ACTL6A: variants seen among roughly 807,000 people sequenced by gnomAD.
The protein encoded by ACTL6A is actin-like protein 6A.
In ACTL6A, 5 loss-of-function variants were observed where a neutral mutation model predicts 59.2. The observed-to-expected ratio is 0.08, with a 90% CI of 0.04 to 0.18. The LOEUF (loss-of-function observed/expected upper bound fraction) is 0.18, where lower values mean the gene tolerates loss of function less well. Among genes scored for constraint, ACTL6A ranks in the 10% least tolerant of loss-of-function variants. ACTL6A has a pLI of 1.00. For missense variants in ACTL6A, 285 were observed against 526.9 expected, an observed-to-expected ratio of 0.54 and a Z score of 4.49; for synonymous variants, 154 against 171.8, an observed-to-expected ratio of 0.90 and a Z score of 0.81.
intron 8 of ACTL6A, 69 bp downstream of exon 8, chr3:179,576,982 T>C (rs543597167): frequency 7.9e-7 from 1 of 1,262,254 alleles, no homozygotes; most frequent in East Asian, 2.4e-5. Flanking sequence ...AAAAGTTATA[T>C]ATAGGCTGTA....
chr3:179,573,910 C>A (rs910184265), intron 4 of ACTL6A, among the ~76,000 whole-genome samples: 3 of 152,090 alleles, frequency 2.0e-5, no homozygotes, highest in African/African-American at 7.2e-5. Context: ...GGTACATAGA[C>A]AAAAAGGTCC....
chr3:179,565,414 A>T (rs1717803732), intron 1 of ACTL6A, among the ~76,000 whole-genome samples: 1 of 126,572 alleles, frequency 7.9e-6, no homozygotes, highest in South Asian at 2.7e-4. Context: ...TAAAAAAAAC[A>T]AAAACAAACA....
intron 1 of ACTL6A, among the ~76,000 whole-genome samples, chr3:179,568,070 G>C (rs1270457552): frequency 6.6e-6 from 1 of 151,482 alleles, no homozygotes; most frequent in Non-Finnish European, 1.5e-5. Flanking sequence ...TGCTCAGGAG[G>C]CTGAGGCAGG....
At chr3:179,568,783 A>G (rs1047796263) in intron 1 of ACTL6A, among the ~76,000 whole-genome samples, 2 of 152,228 alleles carry the variant, frequency 1.3e-5, no homozygotes, top group African/African-American at 4.8e-5. Context: ...TGTGTCAATT[A>G]TAATAGCAGC....
At chr3:179,563,248 C>T (rs918271410) in intron 1 of ACTL6A, 131 bp downstream of exon 1, 4 of 1,414,698 alleles carry the variant, frequency 2.8e-6, no homozygotes, top group Non-Finnish European at 3.8e-6. Flanking sequence ...CTCCCCGCCC[C>T]GTCCCCGCCC....
rs906577920 is a variant in ACTL6A, at chr3:179,580,665, C to T, written c.794C>T (p.Ser265Leu). ...CNCVIQDFQA[S>L]VLQVSDSTYD... ...TGTGTTATCCAGGATTTTCAAGCTT[C>T]GGTACTTCAAGTGTCAGATTCAACT... The change falls in exon 9 of 14, where the codon TCG (serine) becomes TTG (leucine). Residue 265 changes from serine (S) to leucine (L), a missense_variant. Coordinates refer to ENST00000429709, the MANE Select transcript of ACTL6A (RefSeq NM_004301.5). 16 of 1,608,828 alleles carry T rather than the reference C, an allele frequency of 9.9e-6. No homozygotes were observed. The highest frequency in any genetic ancestry group is 6.7e-5 in the Admixed American group (4 of 59,280).
intron 5 of ACTL6A, 135 bp from the exon 6 acceptor site, chr3:179,576,082 T>G: frequency 1.6e-6 from 1 of 623,438 alleles, no homozygotes. Context: ...TATCCCTAGA[T>G]TCACTGTAAT....
chr3:179,575,199 T>A (rs185203591), intron 5 of ACTL6A: 48 of 356,302 alleles, frequency 1.3e-4, no homozygotes, highest in Non-Finnish European at 2.2e-4. Flanking sequence ...CTTCTACATT[T>A]CTTCCTTTAT....
chr3:179,570,213 G>A lies in ACTL6A; in HGVS notation c.249G>A (p.Glu83=). ...TGCGTGTTCCGAGGGAGAATATGGA[G>A]GCCATTTCACCTCTAAAAAATGGGA... The part of the protein sequence containing the change: ...NALRVPRENM[E]AISPLKNGMV... Residue 83 remains glutamate, a synonymous_variant, in exon 3 of 14, where the codon GAG becomes GAA. Coordinates refer to ENST00000429709, the MANE Select transcript of ACTL6A (RefSeq NM_004301.5). The surrounding 1 kb of genome is among the most constrained non-coding windows in gnomAD (Gnocchi z 4.3). The A allele has an allele frequency of 1.2e-6, 2 of 1,613,626 alleles. No individual in the cohort carries two copies. Among genetic ancestry groups the A allele is most frequent in the Non-Finnish European group, 1.7e-6 (2 of 1,179,886 alleles).
At position 179,563,002 on chromosome 3, in the gene ACTL6A, AG is replaced by A. The variant is rs1254893409; in HGVS notation, c.-87del. On this transcript the variant is annotated 5_prime_UTR_variant, in exon 1 of 14. Transcript: ENST00000429709. ...GGTGGCGGTGGAAGTTAAGGGAGTC[AG>A]GGGCTATCGCTCCTCGAGACTCGCA... 1 of 1,536,338 alleles carries A rather than the reference AG, an allele frequency of 6.5e-7. No homozygotes were observed. Among genetic ancestry groups the A allele is most frequent in the Non-Finnish European group, 8.8e-7 (1 of 1,132,938 alleles).
At chr3:179,578,526 G>C (rs1241570901) in intron 8 of ACTL6A, among the ~76,000 whole-genome samples, 3 of 152,128 alleles carry the variant, frequency 2.0e-5, no homozygotes, top group African/African-American at 7.2e-5. Flanking sequence ...ACTGAGGTGG[G>C]AGAATCACCT....
chr3:179,572,958 C>T (rs1280677120), intron 3 of ACTL6A, among the ~76,000 whole-genome samples: 2 of 147,066 alleles, frequency 1.4e-5, no homozygotes, highest in African/African-American at 2.5e-5. Context: ...TTTTGAGTGT[C>T]GGGTCTAGAC....
At chr3:179,569,976 A>G in intron 2 of ACTL6A, 76 bp downstream of exon 2, 1 of 1,577,574 alleles carries the variant, frequency 6.3e-7, no homozygotes. Context: ...ATTCTGATTC[A>G]AAACAAAATA....
chr3:179,584,699 C>T lies in ACTL6A; in HGVS notation c.1122+1251C>T, dbSNP rs145815627. Among the ~76,000 whole-genome samples the T allele has an allele frequency of 6.7e-3, 1,014 of 151,822 alleles. 10 individuals are homozygous for T. The highest frequency in any genetic ancestry group is 0.023 in the African/African-American group (955 of 41,396). The stretch of plus-strand genomic sequence containing the variant: ...ACTTGGGAGGCTGAGACAGCAGAAT[C>T]GCTTGAACCCAGGAGGCGGAGGTTG... On this transcript the variant is annotated intron_variant, in intron 12 of 13. Transcript: ENST00000429709.
At chr3:179,578,147 CA>C (rs1718225856) in intron 8 of ACTL6A, among the ~76,000 whole-genome samples, 2 of 152,086 alleles carry the variant, frequency 1.3e-5, no homozygotes, top group African/African-American at 4.8e-5. Context: ...CCTGTCTCTA[CA>C]AAAACAGAAA....
intron 11 of ACTL6A, among the ~76,000 whole-genome samples, chr3:179,582,207 T>C (rs1209857690): frequency 6.6e-6 from 1 of 152,228 alleles, no homozygotes; most frequent in Non-Finnish European, 1.5e-5. Context: ...GGTAATTGAA[T>C]TGAAGTATAT....
chr3:179,574,481 A>G lies in ACTL6A; in HGVS notation c.476+14A>G, dbSNP rs1229780678. 6.6e-7 allele frequency: 1 copy of G among 1,511,326 alleles called. No individual in the cohort carries two copies. Among genetic ancestry groups the G allele is most frequent in the African/African-American group, 1.4e-5 (1 of 72,816 alleles). The allele number at this position is 1,511,326 out of a possible 1,614,324, so 93.6% of individuals were successfully genotyped here. On this transcript the variant is annotated intron_variant, in intron 5 of 13. Coordinates refer to ENST00000429709, the MANE Select transcript of ACTL6A (RefSeq NM_004301.5). ...AGTTTTGACAGCGTATCCTTGAAAG[A>G]GTAATACCTTTCCTCTTGAAGTATG...
At position 179,580,333 on chromosome 3, in the gene ACTL6A, G is replaced by A. The variant is rs558447451; in HGVS notation, c.769-307G>A. Among the ~76,000 whole-genome samples, 17 of 152,298 alleles carry A rather than the reference G, an allele frequency of 1.1e-4. 1 individual carries two copies. Among genetic ancestry groups the A allele is most frequent in the Middle Eastern group, 3.4e-3 (1 of 294 alleles). Reference sequence around the variant, plus strand: ...TCTAGCTTATTTTTAAGGAGAAAGTGGTGTTCTGAAATTGGTTTTGTTATG... The same window carrying A: ...TCTAGCTTATTTTTAAGGAGAAAGTAGTGTTCTGAAATTGGTTTTGTTATG... On this transcript the variant is annotated intron_variant, in intron 8 of 13. Transcript: ENST00000429709.
At chr3:179,576,140 T>A (rs948052866) in intron 5 of ACTL6A, 77 bp from the exon 6 acceptor site, 38 of 1,033,618 alleles carry the variant, frequency 3.7e-5, no homozygotes, top group Non-Finnish European at 5.4e-5. Flanking sequence ...TTCTGAAACA[T>A]TATAAGAGCC....
Sources: gnomAD v4.1 joint callset for allele counts (sites outside exome capture counted in the v4.1 genomes callset) on GRCh38, gnomAD v4.1.1 for gene constraint, Gnocchi (gnomAD v3.1) non-coding constraint, MANE v1.5 for transcripts, NCBI Gene and HGNC (gene_info 2026-07-23, HGNC 2026-07-21) for gene names.